MPHOSPH8: variants seen among roughly 807,000 people sequenced by gnomAD.
The protein encoded by MPHOSPH8 is M-phase phosphoprotein, mpp.
In MPHOSPH8, 45 loss-of-function variants were observed where a neutral mutation model predicts 87.3. The ratio of observed to expected loss-of-function variants is 0.52; its 90% confidence interval spans 0.41 to 0.66. The LOEUF (loss-of-function observed/expected upper bound fraction) is 0.66, where lower values mean the gene tolerates loss of function less well. Ranked by LOEUF, MPHOSPH8 falls within the 30% of genes least tolerant of loss-of-function variation. The pLI, the probability that MPHOSPH8 is intolerant of heterozygous loss-of-function variation, is 0.00. For synonymous variants in MPHOSPH8, 366 were observed against 376.9 expected, an observed-to-expected ratio of 0.97 and a Z score of 0.33; for missense variants, 883 against 1,020.2, an observed-to-expected ratio of 0.87 and a Z score of 1.83.
chr13:19,666,721 C>G, intron 10 of MPHOSPH8, 142 bp downstream of exon 10: 2 of 652,276 alleles, frequency 3.1e-6, no homozygotes, highest in Non-Finnish European at 4.7e-6. Flanking sequence ...TCCAGTAGAT[C>G]ACAGATTTAA....
chr13:19,649,160 T>C (rs1477361212), intron 4 of MPHOSPH8, among the ~76,000 whole-genome samples: 1 of 152,180 alleles, frequency 6.6e-6, no homozygotes, highest in African/African-American at 2.4e-5. Flanking sequence ...GGGTCACACA[T>C]AAAGTGGCTG....
Position 19,661,812 on chromosome 13 carries a change from A to G in MPHOSPH8, c.1906A>G (p.Thr636Ala), listed in dbSNP as rs1167784053. ...GAACGGTCGGCAGAAGAACGGGACC[A>G]CCGCCCTCATTCATGCTGCAGAGAA... ...KVNGRQKNGTTALIHAAEKNF... is the reference protein window; with the variant it reads ...KVNGRQKNGTAALIHAAEKNF... The change falls in exon 8 of 14, where the codon ACC (threonine) becomes GCC (alanine). Residue 636 changes from threonine (T) to alanine (A), a missense_variant. By Grantham distance (58) the Thr-to-Ala change is moderately conservative (BLOSUM62 0). Transcript: ENST00000361479. The G allele has an allele frequency of 1.2e-6, 2 of 1,612,346 alleles. No homozygotes were observed. The highest frequency in any genetic ancestry group is 2.7e-5 in the African/African-American group (2 of 74,962).
At chr13:19,643,847 C>T (rs1234215460) in intron 2 of MPHOSPH8, among the ~76,000 whole-genome samples, 1 of 152,142 alleles carries the variant, frequency 6.6e-6, no homozygotes, top group Non-Finnish European at 1.5e-5. Flanking sequence ...ATGCTGACCT[C>T]TGTAACTCGG....
chr13:19,652,484 G>A (rs1412233685), intron 5 of MPHOSPH8, among the ~76,000 whole-genome samples: 1 of 152,186 alleles, frequency 6.6e-6, no homozygotes, highest in Non-Finnish European at 1.5e-5. Context: ...CCCTGGATTT[G>A]AAACACAAAA....
chr13:19,646,676 A>G lies in MPHOSPH8; in HGVS notation c.603A>G (p.Lys201=), dbSNP rs1182168394. The G allele has an allele frequency of 1.9e-6, 3 of 1,595,484 alleles. No homozygotes were observed. The Admixed American group carries it at 5.5e-5, about 29-fold the overall frequency. The change falls in exon 3 of 14, where the codon AAA becomes AAG. Residue 201 remains lysine, a synonymous_variant. Coordinates refer to ENST00000361479, the MANE Select transcript of MPHOSPH8 (RefSeq NM_017520.4). ...ESLVFDLRTK[K]RISEAKEELK... ...TAGTTTTTGATTTAAGGACAAAGAAAAGAATTTCTGAAGCCAAAGAAGAAC... is the reference window on the plus strand; with the variant it reads ...TAGTTTTTGATTTAAGGACAAAGAAGAGAATTTCTGAAGCCAAAGAAGAAC...
At chr13:19,670,441 G>T in intron 12 of MPHOSPH8, 78 bp downstream of exon 12, 2 of 1,479,014 alleles carry the variant, frequency 1.4e-6, no homozygotes, top group African/African-American at 2.8e-5. Context: ...TTAAATTCCT[G>T]TGTCTTAATA....
intron 5 of MPHOSPH8, among the ~76,000 whole-genome samples, chr13:19,656,277 C>CAAAAAAAAA (rs71198922): frequency 1.4e-5 from 1 of 72,254 alleles, no homozygotes; most frequent in Non-Finnish European, 2.3e-5. Flanking sequence ...AGACTGTTGT[C>CAAAAAAAAA]AAAAAAAAAA....
Position 19,646,506 on chromosome 13 carries a change from AAAG to A in MPHOSPH8, c.438_440del (p.Glu146del), listed in dbSNP as rs754618257. ...TGATAGCGATCAGCAAAGTGAGACA[AAAG>A]AAGATACTTCCCCAAAGAAGAAAAA... is the stretch of plus-strand genomic sequence containing the variant. On this transcript the variant is annotated inframe_deletion, in exon 3 of 14. Transcript: ENST00000361479. 2 of 1,570,034 alleles carry A rather than the reference AAAG, an allele frequency of 1.3e-6. No homozygotes were observed. Among genetic ancestry groups the A allele is most frequent in the Admixed American group, 2.2e-5 (1 of 45,086 alleles).
At chr13:19,637,119 GTGAA>G (rs1874050124) in intron 1 of MPHOSPH8, among the ~76,000 whole-genome samples, 1 of 152,174 alleles carries the variant, frequency 6.6e-6, no homozygotes, top group Admixed American at 6.5e-5. Flanking sequence ...TGTTGAATGA[GTGAA>G]TGAATGAAGC....
At chr13:19,651,631 C>T (rs1874856569) in intron 5 of MPHOSPH8, among the ~76,000 whole-genome samples, 1 of 151,798 alleles carries the variant, frequency 6.6e-6, no homozygotes, top group African/African-American at 2.4e-5. Context: ...GAGTTTGAGG[C>T]TATATTATGC....
chr13:19,643,435 C>T (rs927495097), intron 2 of MPHOSPH8, among the ~76,000 whole-genome samples: 1 of 151,918 alleles, frequency 6.6e-6, no homozygotes, highest in African/African-American at 2.4e-5. Context: ...TTTCCAGAGA[C>T]AGGGTCTCTC....
At chr13:19,658,937 T>C in intron 5 of MPHOSPH8, 58 bp from the exon 6 acceptor site, 2 of 1,580,920 alleles carry the variant, frequency 1.3e-6, no homozygotes, top group Admixed American at 1.9e-5. Flanking sequence ...ATAAACAACA[T>C]TGTGGGTTTT....
chr13:19,673,054 CAAAAA>C lies in MPHOSPH8; in HGVS notation c.*1189_*1193del. ...TGAGTGACAGAATGAGACCTTGTCT[CAAAAA>C]AAAAAAAAAGTTTCTTGGAACCTAT... On this transcript the variant is annotated 3_prime_UTR_variant, in exon 14 of 14. Coordinates refer to ENST00000361479, the MANE Select transcript of MPHOSPH8 (RefSeq NM_017520.4). 2 of 394,680 alleles carry C rather than the reference CAAAAA, an allele frequency of 5.1e-6. No individual in the cohort carries two copies. Among genetic ancestry groups the C allele is most frequent in the Middle Eastern group, 4.5e-4 (1 of 2,230 alleles). The allele number at this position is 394,680 out of a possible 1,614,324, so 24.4% of individuals were successfully genotyped here.
chr13:19,650,590 A>C (rs1874791294), intron 5 of MPHOSPH8, among the ~76,000 whole-genome samples: 1 of 152,222 alleles, frequency 6.6e-6, no homozygotes, highest in Non-Finnish European at 1.5e-5. Context: ...ATCAAATATA[A>C]ACTTATTTGT....
At chr13:19,642,629 G>A (rs1290003181) in intron 2 of MPHOSPH8, among the ~76,000 whole-genome samples, 1 of 151,286 alleles carries the variant, frequency 6.6e-6, no homozygotes, top group Non-Finnish European at 1.5e-5. Context: ...TATTAACTAT[G>A]TCTTATGCCT....
chr13:19,670,280 A>G lies in MPHOSPH8; in HGVS notation c.2374A>G (p.Lys792Glu). 6.2e-7 allele frequency: 1 copy of G among 1,614,108 alleles called. No homozygotes were observed. The highest frequency in any genetic ancestry group is 8.5e-7 in the Non-Finnish European group (1 of 1,179,946). Reference protein sequence around the residue: ...LFIFHANFLGKEVIARLCGPC... With the variant: ...LFIFHANFLGEEVIARLCGPC... ...TATCTTCCATGCAAACTTTTTGGGT[A>G]AAGAAGTTATTGCTCGGCTCTGTGG... The change falls in exon 12 of 14, where the codon AAA (lysine) becomes GAA (glutamate). Residue 792 changes from lysine to glutamate, a missense_variant. Lys to Glu is a moderately conservative substitution (Grantham distance 56, BLOSUM62 1). Around this residue, in one of 3 missense-constraint regions of MPHOSPH8, gnomAD observed 741 missense variants for 841.5 expected, o/e 0.88. Coordinates refer to ENST00000361479, the MANE Select transcript of MPHOSPH8 (RefSeq NM_017520.4).
At chr13:19,650,676 G>A (rs2137517373) in intron 5 of MPHOSPH8, among the ~76,000 whole-genome samples, 1 of 152,280 alleles carries the variant, frequency 6.6e-6, no homozygotes, top group East Asian at 1.9e-4. Flanking sequence ...GGACATTGGA[G>A]CTGGTCAAGA....
chr13:19,644,614 A>T (rs1006092199), intron 2 of MPHOSPH8, among the ~76,000 whole-genome samples: 8 of 152,242 alleles, frequency 5.3e-5, no homozygotes, highest in Admixed American at 1.3e-4. Context: ...ATCAGTCCCC[A>T]GCAGAGGTGC....
At position 19,659,273 on chromosome 13, in the gene MPHOSPH8, A is replaced by C. The variant is rs1875375330; in HGVS notation, c.1775A>C (p.Tyr592Ser). The change falls in exon 7 of 14, where the codon TAT (tyrosine) becomes TCT (serine). Residue 592 changes from tyrosine (Y) to serine (S), a missense_variant. Tyr to Ser is a moderately radical substitution (Grantham distance 144). Coordinates refer to ENST00000361479, the MANE Select transcript of MPHOSPH8 (RefSeq NM_017520.4). The stretch of plus-strand genomic sequence containing the variant: ...GTTGCACTTAATTCAAATGAAGAAT[A>C]TAACCTGGACCAAGAGGTAATATGT... ...VKVALNSNEE[Y>S]NLDQEDSSGM... 5.6e-6 allele frequency: 9 copies of C among 1,609,356 alleles called. No individual in the cohort carries two copies. Among genetic ancestry groups the C allele is most frequent in the Non-Finnish European group, 7.6e-6 (9 of 1,177,822 alleles).
Sources: gnomAD v4.1 joint callset for allele counts (sites outside exome capture counted in the v4.1 genomes callset) on GRCh38, gnomAD v4.1.1 for gene constraint, gnomAD v4.1.1 regional missense constraint, MANE v1.5 for transcripts, NCBI Gene and HGNC (gene_info 2026-07-23, HGNC 2026-07-21) for gene names.